RERE: variants seen among roughly 807,000 people sequenced by gnomAD.
The protein encoded by RERE is arginine-glutamic acid dipeptide repeats, also known as arginine-glutamic acid dipeptide repeats protein.
Under a neutral mutation model 146.1 loss-of-function variants are expected in RERE, and 40 were observed. The observed-to-expected ratio is 0.27, with a 90% confidence interval of 0.21 to 0.36. RERE has a LOEUF of 0.36. Among genes scored for constraint, RERE ranks in the 10% least tolerant of loss-of-function variants. The pLI, the probability that RERE is intolerant of heterozygous loss-of-function variation, is 1.00. For missense variants in RERE, 1,933 were observed against 2,138.7 expected (o/e 0.90, Z 1.90); for synonymous variants, 1,003 against 866.0 (o/e 1.16, Z -2.78).
chr1:8,648,539 ATTTAC>A (rs1287816358), intron 2 of RERE, among the ~76,000 whole-genome samples: 1 of 152,194 alleles, frequency 6.6e-6, no homozygotes, highest in African/African-American at 2.4e-5. Context: ...ACCTATAGTC[ATTTAC>A]TTTAAATAGG....
intron 1 of RERE, chr1:8,787,018 C>A: frequency 1.7e-6 from 1 of 575,822 alleles, no homozygotes. Context: ...GATTCTGTCA[C>A]ACACACCTGA....
intron 10 of RERE, among the ~76,000 whole-genome samples, chr1:8,468,367 G>C (rs1222452355): frequency 6.6e-6 from 1 of 152,134 alleles, no homozygotes; most frequent in Non-Finnish European, 1.5e-5. Flanking sequence ...AGAACAAGCA[G>C]ACATTTGTCA....
At chr1:8,376,301 C>A (rs1471215813) in intron 12 of RERE, among the ~76,000 whole-genome samples, 1 of 152,154 alleles carries the variant, frequency 6.6e-6, no homozygotes, top group African/African-American at 2.4e-5. Flanking sequence ...TATCCCTGTG[C>A]CTCCTGGTAA....
chr1:8,472,015 T>C (rs891279557), intron 10 of RERE, among the ~76,000 whole-genome samples: 3 of 152,292 alleles, frequency 2.0e-5, no homozygotes, highest in East Asian at 3.9e-4. Flanking sequence ...TTTTGCCATG[T>C]TGGCCAGGCT....
intron 6 of RERE, among the ~76,000 whole-genome samples, chr1:8,551,672 G>A (rs1645937548): frequency 6.6e-6 from 1 of 152,198 alleles, no homozygotes; most frequent in East Asian, 1.9e-4. Flanking sequence ...ACTAGGGCCT[G>A]AGATGCTCTT....
At chr1:8,476,009 A>G (rs1378835960) in intron 10 of RERE, among the ~76,000 whole-genome samples, 1 of 152,182 alleles carries the variant, frequency 6.6e-6, no homozygotes, top group Non-Finnish European at 1.5e-5. Flanking sequence ...GTTAATTTTC[A>G]GAAGGAAATA....
chr1:8,431,450 A>C (rs929691561), intron 11 of RERE, among the ~76,000 whole-genome samples: 2 of 152,206 alleles, frequency 1.3e-5, no homozygotes, highest in African/African-American at 4.8e-5. Flanking sequence ...CAGGGCTCCT[A>C]CTGATTCTAC....
intron 11 of RERE, 106 bp downstream of exon 11, chr1:8,465,819 T>C (rs753093365): frequency 1.1e-6 from 1 of 920,510 alleles, no homozygotes; most frequent in Non-Finnish European, 1.8e-6. Flanking sequence ...ACAGCCATTC[T>C]GCATGACTGA....
At chr1:8,441,950 T>TTTTTTTTTTTTTTTTGAGAC (rs1295131605) in intron 11 of RERE, among the ~76,000 whole-genome samples, 3 of 151,486 alleles carry the variant, frequency 2.0e-5, no homozygotes, top group Non-Finnish European at 4.4e-5. Context: ...CACTTTTTGT[T>TTTTTTTTTTTTTTTTGAGAC]GCAGGGAAGT....
chr1:8,500,594 C>T (rs375818638), intron 8 of RERE, among the ~76,000 whole-genome samples: 2 of 152,340 alleles, frequency 1.3e-5, no homozygotes, highest in African/African-American at 4.8e-5. Flanking sequence ...CCTTGGCCCC[C>T]CAAAGTGCCG....
chr1:8,517,264 G>A (rs890154051), intron 7 of RERE, among the ~76,000 whole-genome samples: 5 of 152,156 alleles, frequency 3.3e-5, no homozygotes, highest in African/African-American at 1.2e-4. Flanking sequence ...CATGAGAAAA[G>A]CTGATTAAAG....
At chr1:8,427,992 G>C (rs571927376) in intron 11 of RERE, among the ~76,000 whole-genome samples, 34 of 152,340 alleles carry the variant, frequency 2.2e-4, no homozygotes, top group African/African-American at 7.9e-4. Context: ...CTAAATGCAA[G>C]TTCATGGAGA....
chr1:8,591,722 C>T (rs1646496353), intron 4 of RERE, among the ~76,000 whole-genome samples: 2 of 152,206 alleles, frequency 1.3e-5, no homozygotes, highest in African/African-American at 4.8e-5. Flanking sequence ...TCCAAATTCA[C>T]TCCAAATTCT....
At chr1:8,389,670 T>C (rs1294488190) in intron 12 of RERE, among the ~76,000 whole-genome samples, 1 of 152,196 alleles carries the variant, frequency 6.6e-6, no homozygotes, top group Non-Finnish European at 1.5e-5. Context: ...GAGGTTCATG[T>C]TGGGAGGAGA....
At chr1:8,499,848 GGTGGCTCACGCCT>G (rs1231211421) in intron 8 of RERE, among the ~76,000 whole-genome samples, 28 of 152,236 alleles carry the variant, frequency 1.8e-4, no homozygotes, top group African/African-American at 6.8e-4. Context: ...GGCCTGGCGT[GGTGGCTCACGCCT>G]GTAATCCCAG....
chr1:8,557,552 A>T, intron 4 of RERE, 29 bp from the exon 5 acceptor site: 1 of 1,487,842 alleles, frequency 6.7e-7, no homozygotes, highest in Non-Finnish European at 9.4e-7. Flanking sequence ...CAGCATTAGG[A>T]ACAGGATTTC....
At chr1:8,640,290 A>C (rs1215324172) in intron 2 of RERE, among the ~76,000 whole-genome samples, 1 of 152,158 alleles carries the variant, frequency 6.6e-6, no homozygotes, top group Non-Finnish European at 1.5e-5. Context: ...TTTTTAAACT[A>C]TATGAATCTC....
At chr1:8,690,967 G>T (rs528007037) in intron 1 of RERE, among the ~76,000 whole-genome samples, 6 of 152,000 alleles carry the variant, frequency 3.9e-5, no homozygotes, top group African/African-American at 1.4e-4. Flanking sequence ...GTGCAATCTC[G>T]GCTTATTGCA....
chr1:8,593,343 C>T (rs1570480525), intron 4 of RERE, among the ~76,000 whole-genome samples: 1 of 152,222 alleles, frequency 6.6e-6, no homozygotes, highest in African/African-American at 2.4e-5. Context: ...TGGGAAAGAG[C>T]CAGTGGGAGG....
Sources: allele counts gnomAD v4.1 joint callset (sites outside exome capture counted in the v4.1 genomes callset), GRCh38; gene constraint gnomAD v4.1.1; transcripts MANE v1.5; gene names NCBI Gene and HGNC (gene_info 2026-07-23, HGNC 2026-07-21).